TM9SF4: variants seen among roughly 807,000 people sequenced by gnomAD.
The protein encoded by TM9SF4 is dinucleotide oxidase disulfide thiol exchanger 3 superfamily member 4.
In TM9SF4, 26 loss-of-function variants were observed where a neutral mutation model predicts 90.4. That is an observed-to-expected ratio of 0.29 (90% CI 0.21 to 0.40). TM9SF4 has a LOEUF of 0.40. TM9SF4 is among the 10% of genes least tolerant of loss of function. The pLI is 1.00. For synonymous variants in TM9SF4, 293 were observed against 315.4 expected (o/e 0.93, Z 0.75); for missense variants, 549 against 834.8 (o/e 0.66, Z 4.22).
intron 1 of TM9SF4, among the ~76,000 whole-genome samples, chr20:32,128,552 G>C (rs1442953747): frequency 6.6e-6 from 1 of 152,148 alleles, no homozygotes; most frequent in Non-Finnish European, 1.5e-5. Flanking sequence ...AATGTACATT[G>C]TATGCAGTAA....
At chr20:32,147,858 GA>G (rs74194241) in intron 9 of TM9SF4, among the ~76,000 whole-genome samples, 55,004 of 124,494 alleles carry the variant, frequency 0.44, 10,857 homozygotes, top group East Asian at 0.67. Flanking sequence ...GTCTCCAAAG[GA>G]AAAAAAAAAA....
At chr20:32,113,288 C>G (rs1036817522) in intron 1 of TM9SF4, among the ~76,000 whole-genome samples, 3 of 152,156 alleles carry the variant, frequency 2.0e-5, no homozygotes, top group African/African-American at 7.2e-5. Context: ...GCCGCCAGCT[C>G]CCAGAACAAT....
In TM9SF4 at chr20:32,149,834, G is replaced by A. The variant is rs138745856; in HGVS notation, c.1087+68G>A. On this transcript the variant is annotated intron_variant, in intron 10 of 17. Transcript: ENST00000398022. ...TCTTCCAGGTGCCTCAAGGAGAGAA[G>A]GGTGGGCTTCCCTCCCTGGAGAAAG... The A allele has an allele frequency of 3.3e-3, 5,176 of 1,591,210 alleles. 24 individuals carry two copies. The highest frequency in any genetic ancestry group is 0.017 in the Middle Eastern group (103 of 5,908).
At chr20:32,130,293 T>A (rs1244201126) in intron 1 of TM9SF4, among the ~76,000 whole-genome samples, 1 of 152,224 alleles carries the variant, frequency 6.6e-6, no homozygotes, top group Non-Finnish European at 1.5e-5. Context: ...GTTGATAGTA[T>A]CTTTGTGTGA....
intron 1 of TM9SF4, among the ~76,000 whole-genome samples, chr20:32,130,246 T>C (rs1331909924): frequency 6.6e-6 from 1 of 152,246 alleles, no homozygotes; most frequent in Non-Finnish European, 1.5e-5. Context: ...CTGTTTTTCA[T>C]CTCTTGATCC....
At chr20:32,112,827 G>C (rs1415476109) in intron 1 of TM9SF4, among the ~76,000 whole-genome samples, 1 of 152,166 alleles carries the variant, frequency 6.6e-6, no homozygotes, top group Non-Finnish European at 1.5e-5. Flanking sequence ...AACTGAGTAT[G>C]TAACATATGC....
intron 1 of TM9SF4, among the ~76,000 whole-genome samples, chr20:32,118,202 A>C (rs2046254427): frequency 6.6e-6 from 1 of 152,130 alleles, no homozygotes; most frequent in Non-Finnish European, 1.5e-5. Flanking sequence ...TTTTTCCGAG[A>C]TCAGTATCTG....
intron 12 of TM9SF4, among the ~76,000 whole-genome samples, chr20:32,153,405 C>T (rs889037344): frequency 6.6e-6 from 1 of 152,196 alleles, no homozygotes; most frequent in Admixed American, 6.5e-5. Context: ...TAGTGACCCA[C>T]CTGGATGCTC....
At chr20:32,153,923 C>T (rs1277020512) in intron 12 of TM9SF4, among the ~76,000 whole-genome samples, 4 of 152,154 alleles carry the variant, frequency 2.6e-5, no homozygotes, top group African/African-American at 4.8e-5. Context: ...CTTCAGGAGG[C>T]TGGGTGACGT....
intron 3 of TM9SF4, among the ~76,000 whole-genome samples, chr20:32,140,691 G>C (rs978517288): frequency 6.6e-6 from 1 of 152,200 alleles, no homozygotes; most frequent in Non-Finnish European, 1.5e-5. Flanking sequence ...CAGTGAGATG[G>C]AGTGACTTAC....
chr20:32,120,049 A>G (rs1356728434), intron 1 of TM9SF4, among the ~76,000 whole-genome samples: 1 of 152,212 alleles, frequency 6.6e-6, no homozygotes, highest in Non-Finnish European at 1.5e-5. Context: ...TTGATATTGT[A>G]GCTTTATAAT....
rs1421054535 is a variant in TM9SF4, at chr20:32,121,781, G to A, written c.16-11232G>A. Among the ~76,000 whole-genome samples, 8 of 151,854 alleles carry A rather than the reference G, an allele frequency of 5.3e-5. No homozygotes were observed. The East Asian group carries it at 5.9e-4, about 11-fold the overall frequency. ...TCCTCACTTCCCAGTAGGGGCGGCC[G>A]GGCAGAGGCGCCCCTCACCTCCTGG... is the stretch of plus-strand genomic sequence containing the variant. On this transcript the variant is annotated intron_variant, in intron 1 of 17. Transcript: ENST00000398022.
At chr20:32,115,810 T>TG (rs1181451559) in intron 1 of TM9SF4, among the ~76,000 whole-genome samples, 3 of 132,636 alleles carry the variant, frequency 2.3e-5, no homozygotes, top group Non-Finnish European at 4.9e-5. Flanking sequence ...CTTTAAGCTT[T>TG]TTTTTTTTTT....
Position 32,110,131 on chromosome 20 carries a change from C to A in TM9SF4, c.15+376C>A, listed in dbSNP as rs2046119732. 3.0e-6 allele frequency: 3 copies of A among 1,010,794 alleles called. No homozygotes were observed. In the Admixed American group the frequency reaches 1.2e-4, roughly 42 times the overall value. The allele number at this position is 1,010,794 out of a possible 1,614,324, so 62.6% of individuals were successfully genotyped here. ...TCATCCTTGCTCCTCCCCGTCACGT[C>A]CAGACCCTGCTCTCCCCGCCTCCCC... On this transcript the variant is annotated intron_variant, in intron 1 of 17. Coordinates refer to ENST00000398022, the MANE Select transcript of TM9SF4 (RefSeq NM_014742.4).
At chr20:32,146,764 C>G (rs1464388628) in intron 8 of TM9SF4, 21 bp from the exon 9 acceptor site, 1 of 1,613,416 alleles carries the variant, frequency 6.2e-7, no homozygotes, top group African/African-American at 1.3e-5. Flanking sequence ...TTCTCCTCAT[C>G]CTCACCGCCA....
rs182745389 is a variant in TM9SF4, at chr20:32,126,374, A to G, written c.16-6639A>G. ...TAAACTTTAAGAAGCACCAGCCTAT[A>G]TATTACCTGCCAAAAACTCATAGTT... On this transcript the variant is annotated intron_variant, in intron 1 of 17. Coordinates refer to ENST00000398022, the MANE Select transcript of TM9SF4 (RefSeq NM_014742.4). Among the ~76,000 whole-genome samples, 24 of 152,302 alleles carry G rather than the reference A, an allele frequency of 1.6e-4. No homozygotes were observed. The East Asian group carries it at 4.1e-3, about 26-fold the overall frequency.
chr20:32,160,222 T>G (rs2046995006), intron 16 of TM9SF4, 111 bp downstream of exon 16: 1 of 1,508,752 alleles, frequency 6.6e-7, no homozygotes, highest in African/African-American at 1.4e-5. Context: ...TGGCCCCTGC[T>G]TCTGGCTCTG....
Position 32,149,669 on chromosome 20 carries a change from G to A in TM9SF4, c.990G>A (p.Val330=). ...TGGAGGAGTCTGGGTGGAAGTTGGT[G>A]CACGGCGACGTCTTCAGGCCCCCCC... ...DTMEESGWKL[V]HGDVFRPPQY... The change falls in exon 10 of 18, where the codon GTG becomes GTA. Residue 330 remains valine (V), a synonymous_variant. Coordinates refer to ENST00000398022, the MANE Select transcript of TM9SF4 (RefSeq NM_014742.4). The A allele has an allele frequency of 6.2e-7, 1 of 1,614,206 alleles. No individual in the cohort carries two copies. Among genetic ancestry groups the A allele is most frequent in the Non-Finnish European group, 8.5e-7 (1 of 1,180,044 alleles).
chr20:32,148,179 A>G (rs2046791045), intron 9 of TM9SF4, among the ~76,000 whole-genome samples: 1 of 152,224 alleles, frequency 6.6e-6, no homozygotes, highest in African/African-American at 2.4e-5. Context: ...ATTTACAGGC[A>G]AGACACTGCA....
Sources: gnomAD v4.1 joint callset for allele counts (sites outside exome capture counted in the v4.1 genomes callset) on GRCh38, gnomAD v4.1.1 for gene constraint, MANE v1.5 for transcripts, NCBI Gene and HGNC (gene_info 2026-07-23, HGNC 2026-07-21) for gene names.